FAM227A: variants seen among roughly 807,000 people sequenced by gnomAD.
FAM227A encodes the protein protein FAM227A.
FAM227A carries 80 observed loss-of-function variants against 74.7 expected under a neutral mutation model. That is an observed-to-expected ratio of 1.07 (90% CI 0.89 to 1.29). The LOEUF (loss-of-function observed/expected upper bound fraction) is 1.29. Ranked by LOEUF, FAM227A falls within the 50% of genes most tolerant of loss-of-function variation. The pLI, the probability that FAM227A is intolerant of heterozygous loss-of-function variation, is 0.00. For synonymous variants in FAM227A, 237 were observed against 241.8 expected (o/e 0.98, Z 0.19); for missense variants, 654 against 683.4 (o/e 0.96, Z 0.48).
At chr22:38,616,940 G>A (rs994303405) in intron 11 of FAM227A, among the ~76,000 whole-genome samples, 1 of 152,108 alleles carries the variant, frequency 6.6e-6, no homozygotes, top group Non-Finnish European at 1.5e-5. Flanking sequence ...GGTGCAGAGG[G>A]GGGCAGGCTG....
chr22:38,619,161 AAAG>A (rs1467498217), intron 11 of FAM227A, among the ~76,000 whole-genome samples: 2 of 152,076 alleles, frequency 1.3e-5, no homozygotes, highest in Non-Finnish European at 2.9e-5. Flanking sequence ...CAAGGAAATA[AAAG>A]AAGTCCCCTG....
intron 6 of FAM227A, among the ~76,000 whole-genome samples, chr22:38,630,698 G>A (rs1357879552): frequency 6.6e-6 from 1 of 152,150 alleles, no homozygotes; most frequent in Non-Finnish European, 1.5e-5. Context: ...TATTTATTGA[G>A]CACCTCCAGG....
In FAM227A at chr22:38,616,223, G is replaced by A. The variant is rs150945898; in HGVS notation, c.1038+3989C>T. Among the ~76,000 whole-genome samples the A allele has an allele frequency of 4.0e-3, 609 of 152,344 alleles. 5 individuals carry two copies. Among genetic ancestry groups the A allele is most frequent in the African/African-American group, 0.014 (577 of 41,572 alleles). ...AACAAAGCGTCTCAAGAAGATGGGA[G>A]TGGCCAACCACACCAAACAGGTTAG... On this transcript the variant is annotated intron_variant, in intron 11 of 16. Transcript: ENST00000535113.
At chr22:38,649,877 AAAG>A (rs2092298356) in intron 2 of FAM227A, 147 bp downstream of exon 2, 35 of 585,066 alleles carry the variant, frequency 6.0e-5, no homozygotes, top group Admixed American at 1.8e-4. Flanking sequence ...CAAAAAAAAA[AAAG>A]AAAGAAAAGA....
At chr22:38,647,262 C>G (rs947058319) in intron 2 of FAM227A, among the ~76,000 whole-genome samples, 1 of 151,632 alleles carries the variant, frequency 6.6e-6, no homozygotes, top group African/African-American at 2.4e-5. Flanking sequence ...GTCAGGAGTT[C>G]GAGACTAGCC....
In FAM227A at chr22:38,582,898, A is replaced by G; in HGVS notation, c.*3227T>C. On this transcript the variant is annotated 3_prime_UTR_variant, in exon 17 of 17. Transcript: ENST00000535113. ...TATATTAGGGAAGGCTCCCAAGATGAGGGACGTCTAAGCGGGGTCCTGGAG... is the reference window on the plus strand; with the variant it reads ...TATATTAGGGAAGGCTCCCAAGATGGGGGACGTCTAAGCGGGGTCCTGGAG... 1 of 1,550,502 alleles carries G rather than the reference A, an allele frequency of 6.4e-7. No individual in the cohort carries two copies. The highest frequency in any genetic ancestry group is 2.4e-5 in the East Asian group (1 of 40,920).
intron 8 of FAM227A, among the ~76,000 whole-genome samples, chr22:38,626,883 A>T (rs2091814691): frequency 9.4e-6 from 1 of 105,924 alleles, no homozygotes; most frequent in African/African-American, 4.0e-5. Flanking sequence ...AAAAAAAAAA[A>T]AAAAAAAAAT....
intron 6 of FAM227A, among the ~76,000 whole-genome samples, chr22:38,631,454 A>G (rs896028163): frequency 1.3e-5 from 2 of 152,136 alleles, no homozygotes; most frequent in Non-Finnish European, 2.9e-5. Flanking sequence ...TTATTTGGGA[A>G]ATGGGTTCAC....
intron 11 of FAM227A, among the ~76,000 whole-genome samples, chr22:38,610,160 T>C (rs905896216): frequency 6.6e-6 from 1 of 152,156 alleles, no homozygotes; most frequent in South Asian, 2.1e-4. Context: ...TCCACAGGCA[T>C]GTACCACCAC....
At chr22:38,649,081 T>C (rs1319960991) in intron 2 of FAM227A, among the ~76,000 whole-genome samples, 3 of 152,170 alleles carry the variant, frequency 2.0e-5, no homozygotes, top group Non-Finnish European at 2.9e-5. Context: ...CTTTGGGAGA[T>C]AGAAGGGAAA....
chr22:38,638,291 A>G (rs1208764077), intron 5 of FAM227A, among the ~76,000 whole-genome samples: 3 of 152,200 alleles, frequency 2.0e-5, no homozygotes, highest in Non-Finnish European at 4.4e-5. Context: ...CTGAGCAGGA[A>G]GTGGGGCCTG....
intron 8 of FAM227A, among the ~76,000 whole-genome samples, chr22:38,626,865 CAA>C (rs67498232): frequency 9.5e-4 from 16 of 16,786 alleles, no homozygotes; most frequent in South Asian, 3.6e-3. Context: ...GACTCTGTCT[CAA>C]AAAAAAAAAA....
rs1398246753 is a variant in FAM227A, at chr22:38,656,383, C to T, written c.-358G>A. 1.3e-5 allele frequency: 2 copies of T among 152,376 alleles called. No individual in the cohort carries two copies. The highest frequency in any genetic ancestry group is 4.8e-5 in the African/African-American group (2 of 41,480). The allele number at this position is 152,376 out of a possible 1,614,324, so 9.4% of individuals were successfully genotyped here. ...ATAACAATGGAACCTTCGTGAGCCG[C>T]CGCGTTGTCCGCGAGATGCCGTTTC... On this transcript the variant is annotated 5_prime_UTR_variant, in exon 1 of 17. Transcript: ENST00000535113.
At chr22:38,620,423 C>T (rs1206993510) in intron 10 of FAM227A, 132 bp from the exon 11 acceptor site, 11 of 679,838 alleles carry the variant, frequency 1.6e-5, no homozygotes, top group Middle Eastern at 2.9e-4. Flanking sequence ...CTGTTGACTC[C>T]ACCTGCTGGG....
intron 3 of FAM227A, among the ~76,000 whole-genome samples, chr22:38,645,077 C>A (rs1333569552): frequency 7.3e-6 from 1 of 136,738 alleles, no homozygotes; most frequent in East Asian, 2.4e-4. Context: ...CAGAGCAAGT[C>A]TCTGTCTCAA....
chr22:38,606,181 T>G (rs1253460559), intron 12 of FAM227A, among the ~76,000 whole-genome samples: 6 of 152,126 alleles, frequency 3.9e-5, no homozygotes, highest in Non-Finnish European at 7.4e-5. Context: ...ACTTTTATTT[T>G]TTTTTGAGAC....
intron 16 of FAM227A, among the ~76,000 whole-genome samples, chr22:38,587,224 A>C (rs925432474): frequency 1.3e-5 from 2 of 152,232 alleles, no homozygotes; most frequent in African/African-American, 2.4e-5. Context: ...CTAGCAAAAG[A>C]AGCACAAACT....
intron 15 of FAM227A, among the ~76,000 whole-genome samples, chr22:38,594,142 T>C (rs561594818): frequency 6.6e-6 from 1 of 152,336 alleles, no homozygotes; most frequent in African/African-American, 2.4e-5. Flanking sequence ...CTTCCGACTT[T>C]AGCCTTGTTG....
In FAM227A at chr22:38,650,244, C is replaced by A; in HGVS notation, c.-76G>T. On this transcript the variant is annotated 5_prime_UTR_variant, in exon 2 of 17. Coordinates refer to ENST00000535113, the MANE Select transcript of FAM227A (RefSeq NM_001013647.2). ...CTCTCATTTCCCACTCCAATCTTGT[C>A]GTTTGTTTAATCAGCCTCCTGGAAA... is the stretch of plus-strand genomic sequence containing the variant. 6.9e-7 allele frequency: 1 copy of A among 1,445,160 alleles called. No individual in the cohort carries two copies. Among genetic ancestry groups the A allele is most frequent in the South Asian group, 1.3e-5 (1 of 78,404 alleles). The allele number at this position is 1,445,160 out of a possible 1,614,324, so 89.5% of individuals were successfully genotyped here. A position where few individuals can be genotyped will look rare whatever the true frequency, so the allele number is the denominator to read the frequency against.
Sources: gnomAD v4.1 joint callset for allele counts (sites outside exome capture counted in the v4.1 genomes callset) on GRCh38, gnomAD v4.1.1 for gene constraint, MANE v1.5 for transcripts, NCBI Gene and HGNC (gene_info 2026-07-23, HGNC 2026-07-21) for gene names.